Variants in UBE2QL1 observed in about 807,000 individuals in gnomAD.
UBE2QL1 encodes ubiquitin-conjugating enzyme E2Q-like protein 1.
A neutral mutation model predicts 12.6 loss-of-function variants in UBE2QL1; 5 were observed. The observed-to-expected ratio is 0.40, with a 90% confidence interval of 0.21 to 0.83. UBE2QL1 has a LOEUF of 0.83. UBE2QL1 is among the 40% of genes least tolerant of loss of function. The probability of loss-of-function intolerance (pLI) is 0.37; values close to 1 mark genes in which losing one functional copy is unlikely to be tolerated. For synonymous variants in UBE2QL1, 96 were observed against 94.5 expected (o/e 1.02, Z -0.10); for missense variants, 99 against 222.6 (o/e 0.44, Z 3.53).
intron 1 of UBE2QL1, among the ~76,000 whole-genome samples, chr5:6,453,636 A>G (rs1386176916): frequency 6.6e-6 from 1 of 152,144 alleles, no homozygotes; most frequent in Non-Finnish European, 1.5e-5. Flanking sequence ...CAGTGATGTC[A>G]CTAAAATCCA....
intron 1 of UBE2QL1, among the ~76,000 whole-genome samples, chr5:6,474,526 A>G (rs1734177568): frequency 6.6e-6 from 1 of 152,184 alleles, no homozygotes; most frequent in Non-Finnish European, 1.5e-5. Context: ...TTCTTCATCA[A>G]TCATTTGAAA....
At chr5:6,466,068 A>G (rs916066489) in intron 1 of UBE2QL1, among the ~76,000 whole-genome samples, 2 of 147,308 alleles carry the variant, frequency 1.4e-5, no homozygotes, top group Admixed American at 6.7e-5. Flanking sequence ...TGCCCCTGCC[A>G]CCCTCCCAGG....
chr5:6,454,715 A>G (rs183645761), intron 1 of UBE2QL1, among the ~76,000 whole-genome samples: 61 of 152,250 alleles, frequency 4.0e-4, no homozygotes, highest in Middle Eastern at 6.8e-3. Flanking sequence ...AAGCTAGAAC[A>G]ACCTAGAGCA....
Position 6,494,668 on chromosome 5 carries a change from A to C in UBE2QL1, c.*3319A>C, listed in dbSNP as rs548322097. 6.6e-6 allele frequency: 1 copy of C among 152,376 alleles called. No individual in the cohort carries two copies. Among genetic ancestry groups the C allele is most frequent in the Admixed American group, 6.5e-5 (1 of 15,310 alleles). 9.4% of individuals were successfully genotyped at this position (152,376 alleles called of 1,614,324 possible). On this transcript the variant is annotated 3_prime_UTR_variant, in exon 2 of 2. Coordinates refer to ENST00000399816, the MANE Select transcript of UBE2QL1 (RefSeq NM_001145161.3). ...CGTAGTATTAGGACGTTTACATTAC[A>C]GCAGGCTTTAATTAGAACCCACTTA...
Position 6,491,259 on chromosome 5 carries a change from C to T in UBE2QL1, c.396C>T (p.Phe132=). Residue 132 remains phenylalanine, a synonymous_variant, in exon 2 of 2, where the codon TTC becomes TTT. Coordinates refer to ENST00000399816, the MANE Select transcript of UBE2QL1 (RefSeq NM_001145161.3). ...CRKAGKSKKS[F]SRKEAEATFK... is the part of the protein sequence containing the mutation. Reference sequence around the variant, plus strand: ...AAGCTGGCAAATCAAAAAAGTCCTTCAGTCGCAAGGAAGCTGAAGCTACCT... The same window carrying T: ...AAGCTGGCAAATCAAAAAAGTCCTTTAGTCGCAAGGAAGCTGAAGCTACCT... The T allele has an allele frequency of 6.4e-7, 1 of 1,551,564 alleles. No individual in the cohort carries two copies. The highest frequency in any genetic ancestry group is 8.7e-7 in the Non-Finnish European group (1 of 1,146,932).
chr5:6,464,712 C>T (rs965174696), intron 1 of UBE2QL1, among the ~76,000 whole-genome samples: 11 of 152,202 alleles, frequency 7.2e-5, no homozygotes, highest in Non-Finnish European at 1.5e-4. Context: ...TGGGTGACAC[C>T]GGGTGCCTCA....
intron 1 of UBE2QL1, among the ~76,000 whole-genome samples, chr5:6,463,667 G>A (rs1401729718): frequency 2.0e-5 from 3 of 149,352 alleles, no homozygotes; most frequent in East Asian, 2.0e-4. Flanking sequence ...TTGCTCTGTC[G>A]CCCAGGCTGG....
At chr5:6,456,015 G>A (rs7722796) in intron 1 of UBE2QL1, among the ~76,000 whole-genome samples, 24,094 of 152,142 alleles carry the variant, frequency 0.16, 2,044 homozygotes, top group South Asian at 0.24. Context: ...ACGCAGCTGC[G>A]GAGGGTGGTG....
intron 1 of UBE2QL1, among the ~76,000 whole-genome samples, chr5:6,483,498 G>A (rs1326681407): frequency 6.6e-6 from 1 of 152,060 alleles, no homozygotes; most frequent in East Asian, 1.9e-4. Context: ...GGTGTGTTTG[G>A]AGTGAAGGAT....
intron 1 of UBE2QL1, among the ~76,000 whole-genome samples, chr5:6,464,754 A>C (rs530124109): frequency 6.6e-6 from 1 of 152,294 alleles, no homozygotes; most frequent in East Asian, 1.9e-4. Context: ...AAATGCCTTA[A>C]TGACGTTTCA....
intron 1 of UBE2QL1, 102 bp from the exon 2 acceptor site, chr5:6,491,115 AG>A: frequency 9.1e-6 from 12 of 1,311,706 alleles, no homozygotes; most frequent in Non-Finnish European, 1.2e-5. Context: ...GCATTGATTC[AG>A]ACATCAGAAA....
chr5:6,455,551 A>G lies in UBE2QL1; in HGVS notation c.354+6304A>G, dbSNP rs548465499. 7.9e-5 allele frequency among the ~76,000 whole-genome samples: 12 copies of G among 152,238 alleles called. No individual in the cohort carries two copies. The South Asian group carries it at 2.1e-3, about 26-fold the overall frequency. ...GCCAGTGGTTCCCAACCCTGGCAGC[A>G]CATTAGATGCCCTGAGGAGTGTGCA... is the stretch of plus-strand genomic sequence containing the variant. On this transcript the variant is annotated intron_variant, in intron 1 of 1. Transcript: ENST00000399816.
At chr5:6,485,697 C>T (rs1282734724) in intron 1 of UBE2QL1, among the ~76,000 whole-genome samples, 5 of 152,226 alleles carry the variant, frequency 3.3e-5, no homozygotes, top group Non-Finnish European at 5.9e-5. Context: ...CAAAACTTTA[C>T]GTAAGCAGTC....
chr5:6,461,917 T>C (rs150099248), intron 1 of UBE2QL1, among the ~76,000 whole-genome samples: 1 of 152,270 alleles, frequency 6.6e-6, no homozygotes, highest in African/African-American at 2.4e-5. Context: ...GAATGTCCCA[T>C]TTGGATAAGC....
intron 1 of UBE2QL1, among the ~76,000 whole-genome samples, chr5:6,450,545 A>G (rs1243174594): frequency 2.0e-5 from 3 of 152,216 alleles, no homozygotes; most frequent in Admixed American, 6.5e-5. Flanking sequence ...AAGACCCCAA[A>G]TGACCTCGGC....
intron 1 of UBE2QL1, among the ~76,000 whole-genome samples, chr5:6,463,081 C>T (rs1739709799): frequency 6.6e-6 from 1 of 152,190 alleles, no homozygotes; most frequent in African/African-American, 2.4e-5. Context: ...ATAATTACAG[C>T]AAAGATTGGT....
chr5:6,491,032 T>C (rs1007815501), intron 1 of UBE2QL1, among the ~76,000 whole-genome samples, 186 bp from the exon 2 acceptor site: 2 of 152,190 alleles, frequency 1.3e-5, no homozygotes, highest in African/African-American at 4.8e-5. Context: ...GCCCTATCTG[T>C]TTGGTGCCAG....
At chr5:6,474,171 G>A (rs540384498) in intron 1 of UBE2QL1, among the ~76,000 whole-genome samples, 1 of 152,260 alleles carries the variant, frequency 6.6e-6, no homozygotes, top group African/African-American at 2.4e-5. Context: ...GGGCTAAAAT[G>A]ATGTTGCCTG....
rs532496764 is a variant in UBE2QL1, at chr5:6,496,116, C to G, written c.*4767C>G. Among the ~76,000 whole-genome samples the G allele has an allele frequency of 1.3e-5, 2 of 152,098 alleles. No individual in the cohort carries two copies. The highest frequency in any genetic ancestry group is 4.1e-4 in the South Asian group (2 of 4,820). ...GCAATGAGGGGGTCAGGTGCGAGGCCGTCCTCCCAGGTCAGTAAGGCCGCA... is the reference window on the plus strand; with the variant it reads ...GCAATGAGGGGGTCAGGTGCGAGGCGGTCCTCCCAGGTCAGTAAGGCCGCA... On this transcript the variant is annotated 3_prime_UTR_variant, in exon 2 of 2. Transcript: ENST00000399816.
Sources: allele counts gnomAD v4.1 joint callset (sites outside exome capture counted in the v4.1 genomes callset), GRCh38; gene constraint gnomAD v4.1.1; transcripts MANE v1.5; gene names NCBI Gene and HGNC (gene_info 2026-07-23, HGNC 2026-07-21).